SPOCK1: variants seen among roughly 807,000 people sequenced by gnomAD.
The protein encoded by SPOCK1 is testican-1.
Under a neutral mutation model 55.3 loss-of-function variants are expected in SPOCK1, and 23 were observed. The ratio of observed to expected loss-of-function variants is 0.42; its 90% CI spans 0.30 to 0.59. The LOEUF is 0.59. Ranked by LOEUF, SPOCK1 falls within the 20% of genes least tolerant of loss-of-function variation. SPOCK1 has a pLI of 0.22. For synonymous variants in SPOCK1, 226 were observed against 221.0 expected (o/e 1.02, Z -0.20); for missense variants, 499 against 552.5 (o/e 0.90, Z 0.97).
At chr5:137,479,184 C>T (rs1033431920) in intron 2 of SPOCK1, among the ~76,000 whole-genome samples, 1 of 151,812 alleles carries the variant, frequency 6.6e-6, no homozygotes, top group Non-Finnish European at 1.5e-5. Flanking sequence ...TCTCAGGCAG[C>T]GAGCTTGTTT....
At chr5:137,140,456 AC>A in intron 4 of SPOCK1, 123 bp downstream of exon 4, 1 of 692,242 alleles carries the variant, frequency 1.4e-6, no homozygotes, top group Non-Finnish European at 2.4e-6. Context: ...CAAACACCAT[AC>A]AAATGGCGAC....
intron 6 of SPOCK1, among the ~76,000 whole-genome samples, chr5:137,030,545 G>C (rs1036154726): frequency 6.6e-6 from 1 of 152,138 alleles, no homozygotes; most frequent in African/African-American, 2.4e-5. Flanking sequence ...ATCAATTCTG[G>C]GGGGAGGTCT....
chr5:137,119,101 T>TCACATC (rs1753641726), intron 4 of SPOCK1, among the ~76,000 whole-genome samples: 1 of 152,190 alleles, frequency 6.6e-6, no homozygotes, highest in Non-Finnish European at 1.5e-5. Flanking sequence ...TGTTCTCTTA[T>TCACATC]CACATCTCTA....
At position 137,245,045 on chromosome 5, in the gene SPOCK1, A is replaced by G. The variant is rs1363879280; in HGVS notation, c.232+21965T>C. ...TTGATTTTAAACTCTGAGTAATTCA[A>G]AATAATCCTCTACAGATTTGAATAA... On this transcript the variant is annotated intron_variant, in intron 3 of 10. Transcript: ENST00000394945. Among the ~76,000 whole-genome samples, 4 of 152,216 alleles carry G rather than the reference A, an allele frequency of 2.6e-5. No homozygotes were observed. The East Asian group carries it at 7.7e-4, about 29-fold the overall frequency.
rs150421254 is a variant in SPOCK1 at position 137,140,681 on chromosome 5, G to A, written c.246C>T (p.Ser82=). ...ATTTTACCTTCAGGCAGGGGTCCTT[G>A]GATGGGTCCAGGGCTGAGGCAAAAA... is the stretch of plus-strand genomic sequence containing the variant. ...NKPFDQALDP[S]KDPCLKVKCS... The change falls in exon 4 of 11, where the codon TCC becomes TCT. Residue 82 remains serine, a synonymous_variant. Transcript: ENST00000394945. The A allele has an allele frequency of 2.0e-5, 32 of 1,613,284 alleles. No individual in the cohort carries two copies. In the African/African-American group the frequency reaches 2.3e-4, roughly 11 times the overall value.
chr5:137,453,046 T>C (rs992938244), intron 2 of SPOCK1, among the ~76,000 whole-genome samples: 6 of 152,230 alleles, frequency 3.9e-5, no homozygotes, highest in Non-Finnish European at 5.9e-5. Context: ...TTTAAGTCTT[T>C]TTCCACTTTA....
At chr5:137,125,217 A>T (rs1173427498) in intron 4 of SPOCK1, among the ~76,000 whole-genome samples, 2 of 152,206 alleles carry the variant, frequency 1.3e-5, no homozygotes, top group African/African-American at 2.4e-5. Context: ...TAAACGTGCC[A>T]TGAACACCTG....
At chr5:137,250,556 C>T (rs574073396) in intron 3 of SPOCK1, among the ~76,000 whole-genome samples, 3 of 152,282 alleles carry the variant, frequency 2.0e-5, no homozygotes, top group East Asian at 3.9e-4. Context: ...TGCACAGCCT[C>T]CCTGAATGCT....
At chr5:136,984,691 A>G (rs561163944) in intron 9 of SPOCK1, among the ~76,000 whole-genome samples, 31 of 152,352 alleles carry the variant, frequency 2.0e-4, no homozygotes, top group African/African-American at 7.5e-4. Context: ...TTAAGCACAT[A>G]CATGTCGTTC....
chr5:137,268,916 T>C (rs763778983), intron 2 of SPOCK1, among the ~76,000 whole-genome samples: 19 of 152,288 alleles, frequency 1.2e-4, no homozygotes, highest in Middle Eastern at 3.4e-3. Context: ...AAAGACAAGT[T>C]CCTTTAACTT....
At chr5:137,369,382 C>T (rs1751149654) in intron 2 of SPOCK1, among the ~76,000 whole-genome samples, 1 of 152,172 alleles carries the variant, frequency 6.6e-6, no homozygotes, top group Non-Finnish European at 1.5e-5. Context: ...GTCTACTCTA[C>T]ACATGGCTTT....
intron 2 of SPOCK1, among the ~76,000 whole-genome samples, chr5:137,303,064 G>T (rs1580855914): frequency 6.6e-6 from 1 of 152,292 alleles, no homozygotes; most frequent in Middle Eastern, 3.4e-3. Flanking sequence ...AGCTAGTGAG[G>T]AGTGCAAACT....
intron 2 of SPOCK1, among the ~76,000 whole-genome samples, chr5:137,444,191 C>T (rs188342774): frequency 1.3e-4 from 20 of 152,262 alleles, no homozygotes; most frequent in Admixed American, 1.3e-3. Flanking sequence ...GTGTCATGCT[C>T]TTCCCCACCT....
chr5:137,254,524 CTT>C (rs1756597587), intron 3 of SPOCK1, among the ~76,000 whole-genome samples: 2 of 152,254 alleles, frequency 1.3e-5, no homozygotes, highest in East Asian at 3.9e-4. Context: ...TTGCTAATGT[CTT>C]TAAATAAGAT....
At chr5:137,137,705 A>T (rs944764587) in intron 4 of SPOCK1, among the ~76,000 whole-genome samples, 2 of 152,202 alleles carry the variant, frequency 1.3e-5, no homozygotes, top group African/African-American at 4.8e-5. Context: ...TGACACTGTC[A>T]TCCTCACGCT....
chr5:137,232,025 A>G (rs1416965087), intron 3 of SPOCK1, among the ~76,000 whole-genome samples: 1 of 152,124 alleles, frequency 6.6e-6, no homozygotes, highest in Non-Finnish European at 1.5e-5. Context: ...GTCTCTTCAT[A>G]TCTTTTACTC....
chr5:137,123,288 G>A lies in SPOCK1; in HGVS notation c.348-10727C>T, dbSNP rs554382782. Among the ~76,000 whole-genome samples the A allele has an allele frequency of 2.6e-5, 4 of 152,256 alleles. No individual in the cohort carries two copies. In the South Asian group the frequency reaches 8.3e-4, roughly 32 times the overall value. On this transcript the variant is annotated intron_variant, in intron 4 of 10. Transcript: ENST00000394945. ...TCTGGATTGGTAGTCAAGAACTCTG[G>A]CTAGCTCCCCAGGCCTTGTGTTTTC...
chr5:137,116,803 T>C (rs1753592594), intron 4 of SPOCK1, among the ~76,000 whole-genome samples: 1 of 152,070 alleles, frequency 6.6e-6, no homozygotes, highest in Admixed American at 6.6e-5. Flanking sequence ...AACATCAATT[T>C]TTGCTCCAGC....
intron 2 of SPOCK1, among the ~76,000 whole-genome samples, chr5:137,397,361 C>T (rs1751873343): frequency 6.6e-6 from 1 of 152,202 alleles, no homozygotes; most frequent in South Asian, 2.1e-4. Flanking sequence ...TAGAGATCAA[C>T]ATCTGGGCTG....
Sources: allele counts gnomAD v4.1 joint callset (sites outside exome capture counted in the v4.1 genomes callset), GRCh38; gene constraint gnomAD v4.1.1; transcripts MANE v1.5; gene names NCBI Gene and HGNC (gene_info 2026-07-23, HGNC 2026-07-21).